MICAL2: variants seen among roughly 807,000 people sequenced by gnomAD.
MICAL2 encodes [F-actin]-monooxygenase MICAL2.
Under a neutral mutation model 127.3 loss-of-function variants are expected in MICAL2, and 77 were observed. The observed-to-expected ratio is 0.60, with a 90% CI of 0.50 to 0.73. The LOEUF (loss-of-function observed/expected upper bound fraction) is 0.73. Ranked by LOEUF, MICAL2 falls within the 30% of genes least tolerant of loss-of-function variation. MICAL2 has a pLI of 0.00. For synonymous variants in MICAL2, 570 were observed against 551.1 expected (o/e 1.03, Z -0.48); for missense variants, 1,351 against 1,434.4 (o/e 0.94, Z 0.94).
intron 32 of MICAL2, among the ~76,000 whole-genome samples, chr11:12,346,339 T>G (rs952601191): frequency 1.3e-5 from 2 of 152,172 alleles, no homozygotes; most frequent in African/African-American, 4.8e-5. Flanking sequence ...GGGCTTTGTG[T>G]GCATAATCCC....
intron 32 of MICAL2, among the ~76,000 whole-genome samples, chr11:12,338,673 T>A (rs994591470): frequency 6.6e-6 from 1 of 152,200 alleles, no homozygotes; most frequent in Non-Finnish European, 1.5e-5. Context: ...CTCTCAACAT[T>A]TGCTTGTCTG....
intron 1 of MICAL2, among the ~76,000 whole-genome samples, chr11:12,128,818 T>A (rs1851163941): frequency 6.6e-6 from 1 of 152,214 alleles, no homozygotes; most frequent in Non-Finnish European, 1.5e-5. Context: ...AAGATAGAAG[T>A]CAATTTCTTT....
chr11:12,230,537 C>A (rs767687082), intron 15 of MICAL2, among the ~76,000 whole-genome samples: 7 of 152,140 alleles, frequency 4.6e-5, no homozygotes, highest in Non-Finnish European at 1.0e-4. Flanking sequence ...TCCTCCCTGC[C>A]CCTCCCTAAC....
intron 32 of MICAL2, among the ~76,000 whole-genome samples, chr11:12,328,578 G>A (rs573090467): frequency 4.6e-5 from 7 of 152,228 alleles, no homozygotes; most frequent in Middle Eastern, 3.4e-3. Flanking sequence ...CTACATTTTC[G>A]GAAATCTTCC....
intron 3 of MICAL2, among the ~76,000 whole-genome samples, chr11:12,203,447 C>T (rs1854282645): frequency 6.6e-6 from 1 of 152,174 alleles, no homozygotes; most frequent in Non-Finnish European, 1.5e-5. Flanking sequence ...TTTATCACAG[C>T]CGTCCCAGTG....
intron 3 of MICAL2, among the ~76,000 whole-genome samples, chr11:12,186,766 A>G (rs1858345116): frequency 6.6e-6 from 1 of 152,184 alleles, no homozygotes; most frequent in Admixed American, 6.5e-5. Flanking sequence ...GGGCCATTCA[A>G]GGGTGCCCAG....
intron 1 of MICAL2, among the ~76,000 whole-genome samples, chr11:12,127,126 A>G (rs1850992223): frequency 6.6e-6 from 1 of 152,140 alleles, no homozygotes; most frequent in Non-Finnish European, 1.5e-5. Context: ...CAGAACAGGG[A>G]TGGGAGGATG....
At chr11:12,251,781 T>C (rs3812744) in intron 22 of MICAL2, among the ~76,000 whole-genome samples, 68,201 of 151,338 alleles carry the variant, frequency 0.45, 17,246 homozygotes, top group Non-Finnish European at 0.57. Flanking sequence ...CAGTTTTGGC[T>C]GCACCTCCCA....
Position 12,110,932 on chromosome 11 carries a change from C to T in MICAL2, c.-149+206C>T, listed in dbSNP as rs905173449. 3.3e-5 allele frequency among the ~76,000 whole-genome samples: 5 copies of T among 152,330 alleles called. No homozygotes were observed. The highest frequency in any genetic ancestry group is 9.6e-5 in the African/African-American group (4 of 41,572). ...GAAGCCCGGGGCGGCCCTGGCCGGC[C>T]TCTGAACCAATTAGAACGCAATAAA... On this transcript the variant is annotated intron_variant, in intron 1 of 27. Transcript: ENST00000683283. The surrounding 1 kb of genome is among the most constrained non-coding windows in gnomAD (Gnocchi z 4.5).
chr11:12,316,204 T>G (rs544418606), intron 29 of MICAL2, among the ~76,000 whole-genome samples: 8 of 152,158 alleles, frequency 5.3e-5, no homozygotes, highest in African/African-American at 1.9e-4. Context: ...GTTCTTGCTT[T>G]TTTAAAATCC....
At chr11:12,189,626 G>C (rs1217812149) in intron 3 of MICAL2, among the ~76,000 whole-genome samples, 1 of 152,154 alleles carries the variant, frequency 6.6e-6, no homozygotes, top group Non-Finnish European at 1.5e-5. Flanking sequence ...TCCTGATTTT[G>C]AGCTGGAGAC....
At chr11:12,201,389 A>T (rs1464546356) in intron 3 of MICAL2, among the ~76,000 whole-genome samples, 1 of 151,502 alleles carries the variant, frequency 6.6e-6, no homozygotes, top group Non-Finnish European at 1.5e-5. Flanking sequence ...CGTTTGCTAG[A>T]GGAAGGGGAA....
At chr11:12,289,580 T>C (rs561136654), downstream of MICAL2, among the ~76,000 whole-genome samples, 22 of 138,324 alleles carry the variant, frequency 1.6e-4, no homozygotes, top group South Asian at 3.5e-3. Flanking sequence ...TTTTTTTTTT[T>C]CTTCTTGAGA....
At chr11:12,133,168 G>C (rs1044151811) in intron 1 of MICAL2, among the ~76,000 whole-genome samples, 1 of 152,198 alleles carries the variant, frequency 6.6e-6, no homozygotes, top group Non-Finnish European at 1.5e-5. Context: ...TGCAGCTTCT[G>C]TCTCCTGGGT....
intron 3 of MICAL2, among the ~76,000 whole-genome samples, chr11:12,193,650 G>T (rs1295735477): frequency 1.3e-5 from 2 of 152,196 alleles, no homozygotes; most frequent in Non-Finnish European, 2.9e-5. Context: ...GTCACACCTG[G>T]CAGTGACTCC....
chr11:12,217,550 C>T (rs975392802), intron 8 of MICAL2, among the ~76,000 whole-genome samples: 4 of 152,108 alleles, frequency 2.6e-5, no homozygotes, highest in African/African-American at 7.2e-5. Flanking sequence ...CTGAAGTTGC[C>T]GCCTTAGTCT....
Position 12,204,282 on chromosome 11 carries a change from G to A in MICAL2, c.297G>A (p.Leu99=). The A allele has an allele frequency of 6.4e-7, 1 of 1,568,172 alleles. No homozygotes were observed. Among genetic ancestry groups the A allele is most frequent in the Non-Finnish European group, 8.6e-7 (1 of 1,163,450 alleles). Residue 99 remains leucine (L), a synonymous_variant, in exon 4 of 28, where the codon TTG becomes TTA. Coordinates refer to ENST00000683283, the MANE Select transcript of MICAL2 (RefSeq NM_001282663.2). ...TAGTTGGGGGAGGACCCTGTGGCTT[G>A]CGCACTGCCATTGAACTTGCCTACC... is the stretch of plus-strand genomic sequence containing the variant. ...CLIVGGGPCG[L]RTAIELAYLG...
At chr11:12,284,578 G>A (rs1301120914) in intron 2 of MICAL2, among the ~76,000 whole-genome samples, 1 of 152,072 alleles carries the variant, frequency 6.6e-6, no homozygotes, top group Admixed American at 6.6e-5. Flanking sequence ...ATTCCACAAA[G>A]TTACAAGCTA....
At chr11:12,358,529 C>A, downstream of MICAL2, 1 of 1,559,982 alleles carries the variant, frequency 6.4e-7, no homozygotes, top group Non-Finnish European at 8.8e-7. Flanking sequence ...CGGATCAGGC[C>A]AAGTGCACCA....
Sources: gnomAD v4.1 joint callset for allele counts (sites outside exome capture counted in the v4.1 genomes callset) on GRCh38, gnomAD v4.1.1 for gene constraint, Gnocchi (gnomAD v3.1) non-coding constraint, MANE v1.5 for transcripts, NCBI Gene and HGNC (gene_info 2026-07-23, HGNC 2026-07-21) for gene names.